Variants in RFX1 observed in about 807,000 individuals in gnomAD.
The protein encoded by RFX1 is regulatory factor X1.
A neutral mutation model predicts 119.6 loss-of-function variants in RFX1; 42 were observed. That is an observed-to-expected ratio of 0.35 (90% CI 0.27 to 0.45). The LOEUF is 0.45. RFX1 is among the 20% of genes least tolerant of loss of function. The probability of loss-of-function intolerance (pLI) is 1.00; values close to 1 mark genes in which losing one functional copy is unlikely to be tolerated. For synonymous variants in RFX1, 628 were observed against 618.5 expected, an observed-to-expected ratio of 1.02 and a Z score of -0.23; for missense variants, 1,118 against 1,368.1, an observed-to-expected ratio of 0.82 and a Z score of 2.88.
chr19:13,966,817 G>A lies in RFX1; in HGVS notation c.1733-66C>T, dbSNP rs931671396. 9 of 1,097,348 alleles carry A rather than the reference G, an allele frequency of 8.2e-6. No homozygotes were observed. The highest frequency in any genetic ancestry group is 6.5e-5 in the Admixed American group (3 of 46,034). The allele number at this position is 1,097,348 out of a possible 1,614,324, so 68.0% of individuals were successfully genotyped here. Reference sequence around the variant, plus strand: ...TGCCTGCCCACCCTGGGGTCCTACTGACCTGTCCGTTTCCCATCAGACTGG... The same window carrying A: ...TGCCTGCCCACCCTGGGGTCCTACTAACCTGTCCGTTTCCCATCAGACTGG... On this transcript the variant is annotated intron_variant, in intron 12 of 20. Coordinates refer to ENST00000254325, the MANE Select transcript of RFX1 (RefSeq NM_002918.5). This position sits in a 1 kb window ranked among gnomAD's most constrained non-coding sequence, Gnocchi z 6.3.
chr19:13,979,708 G>A (rs1042812359), intron 6 of RFX1, among the ~76,000 whole-genome samples, 166 bp from the exon 7 acceptor site: 8 of 152,170 alleles, frequency 5.3e-5, no homozygotes, highest in African/African-American at 1.9e-4. Flanking sequence ...CTGATAAAGT[G>A]AGGCTCCCAG....
intron 1 of RFX1, among the ~76,000 whole-genome samples, chr19:13,994,716 T>C (rs1466321914): frequency 8.9e-6 from 1 of 112,278 alleles, no homozygotes; most frequent in Non-Finnish European, 1.7e-5. Context: ...TGTCTAAATA[T>C]ATATGTGTGT....
chr19:13,964,193 G>GC (rs1202971424), intron 16 of RFX1, 186 bp from the exon 17 acceptor site: 3 of 583,462 alleles, frequency 5.1e-6, no homozygotes, highest in African/African-American at 1.9e-5. Flanking sequence ...ACTCACAAGC[G>GC]CCCCCCAAAA....
Position 13,979,423 on chromosome 19 carries a change from G to A in RFX1, c.834+24C>T, listed in dbSNP as rs766278114. The A allele has an allele frequency of 2.0e-6, 3 of 1,500,782 alleles. No individual in the cohort carries two copies. In the East Asian group the frequency reaches 7.3e-5, roughly 37 times the overall value. The allele number at this position is 1,500,782 out of a possible 1,614,324, so 93.0% of individuals were successfully genotyped here. A position where few individuals can be genotyped will look rare whatever the true frequency, so the allele number is the denominator to read the frequency against. ...GCCCGGGACCAGCCCCTTTGCCCGT[G>A]GGGTAGGAGGGGGAGACACACACCT... On this transcript the variant is annotated intron_variant, in intron 7 of 20. Coordinates refer to ENST00000254325, the MANE Select transcript of RFX1 (RefSeq NM_002918.5).
chr19:14,003,873 A>C (rs1014595672), intron 1 of RFX1, among the ~76,000 whole-genome samples: 1 of 151,738 alleles, frequency 6.6e-6, no homozygotes, highest in Non-Finnish European at 1.5e-5. Flanking sequence ...GGCAGTCAAC[A>C]TGACCAGATA....
chr19:13,963,263 G>C lies in RFX1; in HGVS notation c.2583C>G (p.Ile861Met). ...LKWSFYSSMV[I>M]RDLTLRSAAS... Reference sequence around the variant, plus strand: ...CGGCGCTGCGCAGGGTCAGGTCCCGGATCACCATGGAGCTGGGGATGGAGA... The same window carrying C: ...CGGCGCTGCGCAGGGTCAGGTCCCGCATCACCATGGAGCTGGGGATGGAGA... The change falls in exon 19 of 21, where the codon ATC becomes ATG. Residue 861 changes from isoleucine (I) to methionine (M), a missense_variant. By Grantham distance (10) the Ile-to-Met change is conservative (BLOSUM62 1). Coordinates refer to ENST00000254325, the MANE Select transcript of RFX1 (RefSeq NM_002918.5). The C allele has an allele frequency of 6.2e-7, 1 of 1,610,050 alleles. No homozygotes were observed. The highest frequency in any genetic ancestry group is 1.1e-5 in the South Asian group (1 of 90,976).
At chr19:13,967,061 G>A (rs1361390253) in intron 12 of RFX1, among the ~76,000 whole-genome samples, 1 of 152,206 alleles carries the variant, frequency 6.6e-6, no homozygotes, top group Admixed American at 6.5e-5. Context: ...CCGGGGAATG[G>A]GTAGGCACCC....
intron 3 of RFX1, 98 bp from the exon 4 acceptor site, chr19:13,983,368 ACAGGTGAGCAGATGGCTC>A (rs760823864): frequency 9.5e-6 from 12 of 1,260,892 alleles, no homozygotes; most frequent in Non-Finnish European, 1.3e-5. Flanking sequence ...CTTGATAAGA[ACAGGTGAGCAGATGGCTC>A]CAGCAGGAAG....
At position 13,968,616 on chromosome 19, in the gene RFX1, T is replaced by C. The variant is rs1168189308; in HGVS notation, c.1681A>G (p.Thr561Ala). ...TGGGCGCTGATGTCCGACAGCCCCG[T>C]GCTCGGCTGCTGCCCCACCGCCACG... ...NGVAVGQQPS[T>A]GLSDISAQVQ... Residue 561 changes from threonine to alanine, a missense_variant, in exon 12 of 21, where the codon ACG becomes GCG. Around this residue, in one of 5 missense-constraint regions of RFX1, gnomAD observed 338 missense variants for 508.9 expected, o/e 0.66. Coordinates refer to ENST00000254325, the MANE Select transcript of RFX1 (RefSeq NM_002918.5). This position sits in a 1 kb window ranked among gnomAD's most constrained non-coding sequence, Gnocchi z 5.5. The C allele has an allele frequency of 6.2e-7, 1 of 1,613,282 alleles. No individual in the cohort carries two copies. Among genetic ancestry groups the C allele is most frequent in the South Asian group, 1.1e-5 (1 of 91,088 alleles).
intron 2 of RFX1, among the ~76,000 whole-genome samples, chr19:13,984,734 G>A (rs1974540645): frequency 6.6e-6 from 1 of 152,150 alleles, no homozygotes; most frequent in East Asian, 1.9e-4. Context: ...CTTTCTTGGG[G>A]ATTTAGAGGG....
At position 13,972,907 on chromosome 19, in the gene RFX1, C is replaced by T. The variant is rs755432116; in HGVS notation, c.1150G>A (p.Gly384Ser). ...CCGCCGCCGCCGCCACCACCACTGC[C>T]ACCACCTCCGCTGCTGTTGCTGGCC... ...AGASNSSGGGGSGGGGGGGGG... is the reference protein window; with the variant it reads ...AGASNSSGGGSSGGGGGGGGG... The change falls in exon 9 of 21, where the codon GGC becomes AGC. Residue 384 changes from glycine to serine, a missense_variant. Physicochemically the swap from Gly to Ser is moderately conservative, Grantham distance 56 (BLOSUM62 0). Coordinates refer to ENST00000254325, the MANE Select transcript of RFX1 (RefSeq NM_002918.5). The T allele has an allele frequency of 1.3e-6, 2 of 1,592,678 alleles. No homozygotes were observed. The highest frequency in any genetic ancestry group is 2.2e-5 in the South Asian group (2 of 90,106).
At position 13,962,616 on chromosome 19, in the gene RFX1, G is replaced by T; in HGVS notation, c.*79C>A. On this transcript the variant is annotated 3_prime_UTR_variant, in exon 21 of 21. Transcript: ENST00000254325. ...CTGCCCTGGCTGAGGCTGGAGCAGT[G>T]ACCACGAAGCCACAGAAGCTTTGAG... 8.6e-7 allele frequency: 1 copy of T among 1,169,014 alleles called. No individual in the cohort carries two copies. The highest frequency in any genetic ancestry group is 1.1e-6 in the Non-Finnish European group (1 of 882,752). 72.4% of individuals were successfully genotyped at this position (1,169,014 alleles called of 1,614,324 possible). A position where few individuals can be genotyped will look rare whatever the true frequency, so the allele number is the denominator to read the frequency against.
At chr19:14,003,469 C>T (rs899024648) in intron 1 of RFX1, among the ~76,000 whole-genome samples, 3 of 152,064 alleles carry the variant, frequency 2.0e-5, no homozygotes, top group Non-Finnish European at 4.4e-5. Flanking sequence ...CGAGGGCTCT[C>T]ACTGGATTCA....
chr19:13,962,861 T>A lies in RFX1; in HGVS notation c.2774A>T (p.Glu925Val), dbSNP rs1283633503. 6.5e-7 allele frequency: 1 copy of A among 1,529,326 alleles called. No homozygotes were observed. The highest frequency in any genetic ancestry group is 8.8e-7 in the Non-Finnish European group (1 of 1,139,008). The allele number at this position is 1,529,326 out of a possible 1,614,324, so 94.7% of individuals were successfully genotyped here. A position where few individuals can be genotyped will look rare whatever the true frequency, so the allele number is the denominator to read the frequency against. ...GCTCTCCTCCTCCTCTTCTTCCTCC[T>A]CGTCTGGAACACAGGGACCAAGTCC... ...SLNPLDPDKD[E>V]EEEEEEESED... The change falls in exon 21 of 21, where the codon GAG (glutamate) becomes GTG (valine). Residue 925 changes from glutamate (E) to valine (V), a missense_variant. Around this residue, in one of 5 missense-constraint regions of RFX1, gnomAD observed 138 missense variants for 117.8 expected, o/e 1.17. Coordinates refer to ENST00000254325, the MANE Select transcript of RFX1 (RefSeq NM_002918.5).
intron 2 of RFX1, among the ~76,000 whole-genome samples, chr19:13,984,237 C>G (rs925590833): frequency 6.6e-6 from 1 of 150,988 alleles, no homozygotes; most frequent in South Asian, 2.1e-4. Flanking sequence ...CCCCCCACCC[C>G]GTCCGCCTGT....
rs140427866 is a variant in RFX1 at position 13,966,684 on chromosome 19, G to A, written c.1800C>T (p.Val600=). The A allele has an allele frequency of 8.7e-6, 14 of 1,610,982 alleles. No homozygotes were observed. Among genetic ancestry groups the A allele is most frequent in the South Asian group, 6.6e-5 (6 of 90,942 alleles). Residue 600 remains valine (V), a synonymous_variant, in exon 13 of 21, where the codon GTC becomes GTT. Transcript: ENST00000254325. The surrounding 1 kb of genome is among the most constrained non-coding windows in gnomAD (Gnocchi z 6.3). ...GGAAGGCTTTGATGTCCCCGGGCCC[G>A]ACGCCCTCAGGCAGCACCTTGCCCT... ...DLQGKVLPEG[V]GPGDIKAFQV... is the part of the protein sequence containing the mutation.
chr19:13,979,420 C>G, intron 7 of RFX1, 27 bp downstream of exon 7: 1 of 1,498,068 alleles, frequency 6.7e-7, no homozygotes, highest in East Asian at 2.4e-5. Flanking sequence ...CCCCTTTGCC[C>G]GTGGGGTAGG....
chr19:13,968,765 G>A lies in RFX1; in HGVS notation c.1616+10C>T. ...CCTGCCCTGCCCTGGGTCCGGCCCT[G>A]CCTTCCTACCTCTGCTTCTGCGAGA... On this transcript the variant is annotated intron_variant, in intron 11 of 20. Transcript: ENST00000254325. The surrounding 1 kb of genome is among the most constrained non-coding windows in gnomAD (Gnocchi z 5.5). 1 of 1,603,688 alleles carries A rather than the reference G, an allele frequency of 6.2e-7. No individual in the cohort carries two copies. Among genetic ancestry groups the A allele is most frequent in the Non-Finnish European group, 8.5e-7 (1 of 1,175,510 alleles).
Position 13,990,742 on chromosome 19 carries a change from C to T in RFX1, c.319+2783G>A, listed in dbSNP as rs1031056074. Among the ~76,000 whole-genome samples, 7 of 151,648 alleles carry T rather than the reference C, an allele frequency of 4.6e-5. No homozygotes were observed. Among genetic ancestry groups the T allele is most frequent in the South Asian group, 2.1e-4 (1 of 4,814 alleles). On this transcript the variant is annotated intron_variant, in intron 2 of 20. Coordinates refer to ENST00000254325, the MANE Select transcript of RFX1 (RefSeq NM_002918.5). The surrounding 1 kb of genome is among the most constrained non-coding windows in gnomAD (Gnocchi z 4.1). ...TGAGGCAGGAGAATGGTGTGAACCC[C>T]GGAGGCAGAGCTTGCAGTGAGCCGA...
Sources: gnomAD v4.1 joint callset for allele counts (sites outside exome capture counted in the v4.1 genomes callset) on GRCh38, gnomAD v4.1.1 for gene constraint, gnomAD v4.1.1 regional missense constraint, Gnocchi (gnomAD v3.1) non-coding constraint, MANE v1.5 for transcripts, NCBI Gene and HGNC (gene_info 2026-07-23, HGNC 2026-07-21) for gene names.